ZMYND11: variants seen among roughly 807,000 people sequenced by gnomAD.
The protein encoded by ZMYND11 is zinc finger MYND domain-containing protein 11.
In ZMYND11, 9 loss-of-function variants were observed where a neutral mutation model predicts 84.9. That is an observed-to-expected ratio of 0.11 (90% CI 0.06 to 0.18). ZMYND11 has a LOEUF of 0.18. Among genes scored for constraint, ZMYND11 ranks in the 10% least tolerant of loss-of-function variants. The probability of loss-of-function intolerance (pLI) is 1.00; values close to 1 mark genes in which losing one functional copy is unlikely to be tolerated. For synonymous variants in ZMYND11, 250 were observed against 244.1 expected (o/e 1.02, Z -0.23); for missense variants, 409 against 761.0 (o/e 0.54, Z 5.44).
chr10:233,952 AT>A (rs1334980635), intron 4 of ZMYND11, among the ~76,000 whole-genome samples: 1 of 152,192 alleles, frequency 6.6e-6, no homozygotes, highest in Non-Finnish European at 1.5e-5. Context: ...AGTATCTACA[AT>A]TTATGTGAAT....
Position 252,461 on chromosome 10 carries a change from G to A in ZMYND11, c.1800G>A (p.Arg600=), listed in dbSNP as rs140949514. 1,517 of 1,611,464 alleles carry A rather than the reference G, an allele frequency of 9.4e-4. 5 individuals are homozygous for A. Among genetic ancestry groups the A allele is most frequent in the Middle Eastern group, 1.7e-3 (10 of 6,046 alleles). ...WHAEHKRTCR[R]KR The stretch of plus-strand genomic sequence containing the variant: ...CGGAGCACAAGCGCACCTGCCGCCG[G>A]AAAAGATGAAGCTGGCCCTTCCCGG... The change falls in exon 15 of 15, where the codon CGG becomes CGA. Residue 600 remains arginine, a synonymous_variant. Coordinates refer to ENST00000381604, the MANE Select transcript of ZMYND11 (RefSeq NM_001370100.5). The surrounding 1 kb of genome is among the most constrained non-coding windows in gnomAD (Gnocchi z 4.6).
At chr10:146,525 T>C (rs1554755349) in intron 1 of ZMYND11, among the ~76,000 whole-genome samples, 2 of 152,258 alleles carry the variant, frequency 1.3e-5, no homozygotes, top group African/African-American at 4.8e-5. Flanking sequence ...CATTTGTTTG[T>C]ATCATCTGTG....
At chr10:196,138 T>G (rs899627256) in intron 2 of ZMYND11, among the ~76,000 whole-genome samples, 1 of 152,228 alleles carries the variant, frequency 6.6e-6, no homozygotes, top group Admixed American at 6.5e-5. Context: ...GTCAGCTGTT[T>G]CTTTTTGGCT....
At chr10:196,361 C>T (rs1462340914) in intron 2 of ZMYND11, among the ~76,000 whole-genome samples, 2 of 152,090 alleles carry the variant, frequency 1.3e-5, no homozygotes, top group East Asian at 3.9e-4. Flanking sequence ...AAAGAGAAGA[C>T]CTAGTTATTT....
intron 1 of ZMYND11, among the ~76,000 whole-genome samples, chr10:146,131 T>C (rs1437069140): frequency 6.6e-6 from 1 of 152,318 alleles, no homozygotes; most frequent in East Asian, 1.9e-4. Context: ...ATTTATTAGA[T>C]AATGTGTCCT....
At chr10:136,038 G>A (rs1564242144) in intron 1 of ZMYND11, among the ~76,000 whole-genome samples, 1 of 151,922 alleles carries the variant, frequency 6.6e-6, no homozygotes, top group Non-Finnish European at 1.5e-5. Context: ...CACGTCGTGT[G>A]CTAGCCCGGG....
At position 209,908 on chromosome 10, in the gene ZMYND11, G is replaced by A. The variant is rs1396699311; in HGVS notation, c.136G>A (p.Gly46Ser). 3 of 1,613,544 alleles carry A rather than the reference G, an allele frequency of 1.9e-6. No homozygotes were observed. The highest frequency in any genetic ancestry group is 2.5e-6 in the Non-Finnish European group (3 of 1,179,796). ...RITKYMSRVHGMHPKETTRQL... is the reference protein window; with the variant it reads ...RITKYMSRVHSMHPKETTRQL... ...GTTCAGGTATATGTCTCGAGTCCAC[G>A]GTATGCACCCTAAAGAGACCACCCG... Residue 46 changes from glycine to serine, a missense_variant, in exon 3 of 15, where the codon GGT (glycine) becomes AGT (serine). Around this residue, in one of 7 missense-constraint regions of ZMYND11, gnomAD observed 73 missense variants for 185.8 expected, o/e 0.39. Coordinates refer to ENST00000381604, the MANE Select transcript of ZMYND11 (RefSeq NM_001370100.5).
chr10:187,526 C>G (rs988848763), intron 2 of ZMYND11, among the ~76,000 whole-genome samples: 9 of 151,122 alleles, frequency 6.0e-5, no homozygotes, highest in African/African-American at 2.2e-4. Flanking sequence ...CCCAGCTACT[C>G]GGGAGGCTGA....
At chr10:155,253 A>G (rs1391960625) in intron 1 of ZMYND11, among the ~76,000 whole-genome samples, 1 of 152,230 alleles carries the variant, frequency 6.6e-6, no homozygotes, top group East Asian at 1.9e-4. Context: ...ATTTGACTAC[A>G]TACAATTTAA....
intron 1 of ZMYND11, among the ~76,000 whole-genome samples, chr10:155,178 A>G (rs1841403357): frequency 6.6e-6 from 1 of 152,216 alleles, no homozygotes; most frequent in Admixed American, 6.5e-5. Context: ...CTTTTTTGGT[A>G]CGTAGCTTTA....
At chr10:137,478 A>C (rs1554752555) in intron 1 of ZMYND11, among the ~76,000 whole-genome samples, 1 of 152,232 alleles carries the variant, frequency 6.6e-6, no homozygotes, top group Non-Finnish European at 1.5e-5. Flanking sequence ...GTAAATGTTT[A>C]CTTGTTTTCC....
At chr10:237,742 T>G in intron 6 of ZMYND11, 65 bp downstream of exon 6, 6 of 1,321,476 alleles carry the variant, frequency 4.5e-6, no homozygotes, top group Non-Finnish European at 6.3e-6. Context: ...TAAAGAATAA[T>G]GTAGCAGTTA....
chr10:186,292 T>G (rs1457842375), intron 2 of ZMYND11, among the ~76,000 whole-genome samples: 5 of 151,786 alleles, frequency 3.3e-5, no homozygotes, highest in African/African-American at 1.2e-4. Flanking sequence ...ACTAGAGGTG[T>G]GAGCCACCGC....
intron 1 of ZMYND11, among the ~76,000 whole-genome samples, chr10:147,360 A>G (rs2131259070): frequency 6.6e-6 from 1 of 152,166 alleles, no homozygotes; most frequent in Admixed American, 6.5e-5. Context: ...ACTTTTCCCC[A>G]TTCAGTATGT....
At chr10:230,819 T>C (rs546232159) in intron 4 of ZMYND11, among the ~76,000 whole-genome samples, 2 of 152,322 alleles carry the variant, frequency 1.3e-5, no homozygotes, top group South Asian at 4.1e-4. Context: ...TAGTAGGCAA[T>C]GAAGCCAGTA....
intron 1 of ZMYND11, among the ~76,000 whole-genome samples, chr10:146,715 C>T (rs1272800959): frequency 1.3e-5 from 2 of 152,216 alleles, no homozygotes; most frequent in Non-Finnish European, 2.9e-5. Flanking sequence ...AAAATCTCAT[C>T]TTGAATTGTA....
At chr10:196,985 T>G (rs1046745358) in intron 2 of ZMYND11, among the ~76,000 whole-genome samples, 1 of 151,230 alleles carries the variant, frequency 6.6e-6, no homozygotes, top group Non-Finnish European at 1.5e-5. Flanking sequence ...GCGCATTGTA[T>G]TCATGTATGT....
Position 247,385 on chromosome 10 carries a change from A to C in ZMYND11, c.1159-13A>C. ...GTGTCTGGAATAATATATTACTTTT[A>C]TAATGCCCACAGCTAAAGGTCACTC... On this transcript the variant is annotated splice_polypyrimidine_tract_variant and intron_variant, in intron 11 of 14. Coordinates refer to ENST00000381604, the MANE Select transcript of ZMYND11 (RefSeq NM_001370100.5). The C allele has an allele frequency of 6.2e-7, 1 of 1,613,734 alleles. No individual in the cohort carries two copies. The highest frequency in any genetic ancestry group is 8.5e-7 in the Non-Finnish European group (1 of 1,179,742).
chr10:149,285 G>GTTATTA (rs61508487), intron 1 of ZMYND11, among the ~76,000 whole-genome samples: 28,026 of 139,038 alleles, frequency 0.2, 2,987 homozygotes, highest in South Asian at 0.24. Context: ...TGAGGTGGTT[G>GTTATTA]TTATTATTAT....
Sources: gnomAD v4.1 joint callset for allele counts (sites outside exome capture counted in the v4.1 genomes callset) on GRCh38, gnomAD v4.1.1 for gene constraint, gnomAD v4.1.1 regional missense constraint, Gnocchi (gnomAD v3.1) non-coding constraint, MANE v1.5 for transcripts, NCBI Gene and HGNC (gene_info 2026-07-23, HGNC 2026-07-21) for gene names.